TNR: variants seen among roughly 807,000 people sequenced by gnomAD.
TNR encodes tenascin R, also known as tenascin-R.
TNR carries 45 observed loss-of-function variants against 150.4 expected under a neutral mutation model. That is an observed-to-expected ratio of 0.30 (90% CI 0.24 to 0.38). The LOEUF (loss-of-function observed/expected upper bound fraction) is 0.38, where lower values mean the gene tolerates loss of function less well. Ranked by LOEUF, TNR falls within the 10% of genes least tolerant of loss-of-function variation. The pLI, the probability that TNR is intolerant of heterozygous loss-of-function variation, is 1.00. For synonymous variants in TNR, 687 were observed against 678.4 expected (o/e 1.01, Z -0.20); for missense variants, 1,544 against 1,759.1 (o/e 0.88, Z 2.19).
intron 2 of TNR, among the ~76,000 whole-genome samples, chr1:175,408,988 C>T (rs528313688): frequency 1.3e-4 from 20 of 152,254 alleles, no homozygotes; most frequent in African/African-American, 4.8e-4. Context: ...GGTAAATAAA[C>T]CTTGGGGATA....
rs140097936 is a variant in TNR at position 175,711,301 on chromosome 1, G to A, written c.-165+31925C>T. ...AGCAAGACTTGGGGAGATGAGGGCTGAAGCATCTCACCCTGGGGGAAAGAG... is the reference window on the plus strand; with the variant it reads ...AGCAAGACTTGGGGAGATGAGGGCTAAAGCATCTCACCCTGGGGGAAAGAG... On this transcript the variant is annotated intron_variant, in intron 1 of 22. Coordinates refer to ENST00000367674, the MANE Select transcript of TNR (RefSeq NM_003285.3). 4.8e-3 allele frequency among the ~76,000 whole-genome samples: 738 copies of A among 152,250 alleles called. 3 individuals are homozygous for A. The highest frequency in any genetic ancestry group is 8.5e-3 in the Non-Finnish European group (581 of 68,008).
chr1:175,514,869 C>T (rs1167304550), intron 2 of TNR, among the ~76,000 whole-genome samples: 1 of 152,146 alleles, frequency 6.6e-6, no homozygotes, highest in African/African-American at 2.4e-5. Flanking sequence ...GATGACTGCC[C>T]CTGAGGAAGG....
intron 2 of TNR, among the ~76,000 whole-genome samples, chr1:175,479,461 T>C (rs1453162334): frequency 6.6e-6 from 1 of 152,130 alleles, no homozygotes; most frequent in Admixed American, 6.5e-5. Context: ...TCCAAGTGGG[T>C]GGGGTAGACT....
At chr1:175,374,108 T>C (rs1015372459) in intron 9 of TNR, among the ~76,000 whole-genome samples, 2 of 152,142 alleles carry the variant, frequency 1.3e-5, no homozygotes, top group Admixed American at 6.5e-5. Flanking sequence ...GGTGCTGGGT[T>C]TGGTGTTTGT....
chr1:175,334,391 A>G (rs546247432), intron 20 of TNR, among the ~76,000 whole-genome samples: 4 of 152,356 alleles, frequency 2.6e-5, no homozygotes, highest in Admixed American at 2.6e-4. Flanking sequence ...AAGACTAACG[A>G]AAGGCCAAGA....
intron 2 of TNR, among the ~76,000 whole-genome samples, chr1:175,509,647 A>G (rs1003078875): frequency 6.6e-6 from 1 of 152,214 alleles, no homozygotes; most frequent in Non-Finnish European, 1.5e-5. Flanking sequence ...CTTCCAGAAA[A>G]TGATCTTTTC....
chr1:175,440,640 A>G (rs1467388821), intron 2 of TNR, among the ~76,000 whole-genome samples: 1 of 151,950 alleles, frequency 6.6e-6, no homozygotes, highest in Non-Finnish European at 1.5e-5. Context: ...TTGAAGTGAG[A>G]GGGGAACCAA....
chr1:175,695,902 A>G (rs1185124987), intron 1 of TNR, among the ~76,000 whole-genome samples: 1 of 152,176 alleles, frequency 6.6e-6, no homozygotes, highest in Non-Finnish European at 1.5e-5. Context: ...CTGTGTTCCC[A>G]GTGCCTATAC....
chr1:175,549,766 G>A (rs562766328), intron 1 of TNR, among the ~76,000 whole-genome samples: 1 of 152,252 alleles, frequency 6.6e-6, no homozygotes, highest in South Asian at 2.1e-4. Flanking sequence ...GGGGACTTCA[G>A]CCCTACAACT....
chr1:175,474,720 C>T (rs1434828775), intron 2 of TNR, among the ~76,000 whole-genome samples: 3 of 152,214 alleles, frequency 2.0e-5, no homozygotes, highest in East Asian at 3.9e-4. Context: ...TTAATGTTGC[C>T]GCTGGTAAGA....
intron 1 of TNR, among the ~76,000 whole-genome samples, chr1:175,585,697 G>A (rs1662536895): frequency 6.6e-6 from 1 of 152,152 alleles, no homozygotes; most frequent in Non-Finnish European, 1.5e-5. Context: ...CCTAGTAAAT[G>A]GTGGTTCTTG....
chr1:175,433,259 T>C (rs1182251332), intron 2 of TNR, among the ~76,000 whole-genome samples: 2 of 152,232 alleles, frequency 1.3e-5, no homozygotes, highest in Non-Finnish European at 2.9e-5. Context: ...CTCCAGTCTC[T>C]GTGATTATAA....
intron 1 of TNR, among the ~76,000 whole-genome samples, chr1:175,701,371 A>G (rs554479360): frequency 4.3e-4 from 65 of 152,158 alleles, no homozygotes; most frequent in Non-Finnish European, 7.9e-4. Flanking sequence ...TACTCTCAAA[A>G]TAGTCTTCTC....
chr1:175,580,412 A>G (rs1207676017), intron 1 of TNR, among the ~76,000 whole-genome samples: 2 of 152,214 alleles, frequency 1.3e-5, no homozygotes, highest in African/African-American at 4.8e-5. Flanking sequence ...TTAACTTTTT[A>G]CAGAGATCCA....
intron 1 of TNR, among the ~76,000 whole-genome samples, chr1:175,609,519 T>A (rs1375638418): frequency 6.6e-6 from 1 of 152,168 alleles, no homozygotes; most frequent in Non-Finnish European, 1.5e-5. Context: ...TATAAAATGG[T>A]AGCTGGACAT....
chr1:175,414,634 A>G (rs1476257848), intron 2 of TNR, among the ~76,000 whole-genome samples: 2 of 152,224 alleles, frequency 1.3e-5, no homozygotes, highest in Non-Finnish European at 2.9e-5. Flanking sequence ...ATTGTCCTCA[A>G]GGCTGATTTA....
At position 175,315,361 on chromosome 1, in the gene TNR, C is replaced by T. The variant is rs545218318; in HGVS notation, c.*7996G>A. 1 of 152,292 alleles carries T rather than the reference C, an allele frequency of 6.6e-6. No homozygotes were observed. Among genetic ancestry groups the T allele is most frequent in the East Asian group, 1.9e-4 (1 of 5,180 alleles). 9.4% of individuals were successfully genotyped at this position (152,292 alleles called of 1,614,324 possible). A position where few individuals can be genotyped will look rare whatever the true frequency, so the allele number is the denominator to read the frequency against. On this transcript the variant is annotated 3_prime_UTR_variant, in exon 23 of 23. Coordinates refer to ENST00000367674, the MANE Select transcript of TNR (RefSeq NM_003285.3). ...AAAGGATCAGAGAAGTTGGTTTTTC[C>T]TCTCCCTTCCTCTGTACATTTTTAT...
chr1:175,331,033 C>CTTTCTTTCTTTCT (rs1649752886), intron 20 of TNR, among the ~76,000 whole-genome samples: 3 of 70,972 alleles, frequency 4.2e-5, no homozygotes, highest in African/African-American at 1.4e-4. Flanking sequence ...TTCTTTCTTT[C>CTTTCTTTCTTTCT]TTTCTTTCTT....
intron 1 of TNR, among the ~76,000 whole-genome samples, chr1:175,735,113 CT>C (rs1253963925): frequency 1.3e-5 from 2 of 152,212 alleles, no homozygotes; most frequent in Non-Finnish European, 2.9e-5. Context: ...TTATAGGTGG[CT>C]CTGGCCTCTG....
Sources: gnomAD v4.1 joint callset for allele counts (sites outside exome capture counted in the v4.1 genomes callset) on GRCh38, gnomAD v4.1.1 for gene constraint, MANE v1.5 for transcripts, NCBI Gene and HGNC (gene_info 2026-07-23, HGNC 2026-07-21) for gene names.